The following IMPG1 variants were observed in gnomAD, a reference collection of about 807,000 sequenced individuals.
IMPG1 encodes the protein interphotoreceptor matrix proteoglycan 1.
Under a neutral mutation model 92.0 loss-of-function variants are expected in IMPG1, and 85 were observed. The observed-to-expected ratio is 0.92, with a 90% confidence interval of 0.78 to 1.11. The LOEUF (loss-of-function observed/expected upper bound fraction) is 1.11, where lower values mean the gene tolerates loss of function less well. Among genes scored for constraint, IMPG1 ranks in the 50% least tolerant of loss-of-function variants. The pLI is 0.00. For synonymous variants in IMPG1, 367 were observed against 334.1 expected (o/e 1.10, Z -1.08); for missense variants, 1,022 against 956.0 (o/e 1.07, Z -0.91).
intron 1 of IMPG1, among the ~76,000 whole-genome samples, chr6:76,045,868 T>A (rs530540000): frequency 3.3e-5 from 5 of 152,162 alleles, no homozygotes; most frequent in Non-Finnish European, 7.3e-5. Flanking sequence ...TATATAAGTA[T>A]TTGAAAAGAG....
intron 2 of IMPG1, among the ~76,000 whole-genome samples, chr6:76,035,329 G>A (rs563041188): frequency 1.9e-4 from 29 of 151,898 alleles, no homozygotes; most frequent in African/African-American, 5.8e-4. Flanking sequence ...GAGAAAGCTC[G>A]TCTCTACTAA....
At chr6:75,984,774 C>T (rs1318170319) in intron 12 of IMPG1, among the ~76,000 whole-genome samples, 2 of 152,162 alleles carry the variant, frequency 1.3e-5, no homozygotes, top group Non-Finnish European at 1.5e-5. Context: ...GTGCCATCCC[C>T]TTGGCTAGGA....
chr6:76,047,747 G>T (rs577916558), intron 1 of IMPG1, among the ~76,000 whole-genome samples: 232 of 152,196 alleles, frequency 1.5e-3, no homozygotes, highest in Non-Finnish European at 2.8e-3. Flanking sequence ...ATATGAATTA[G>T]ATTTGTTTTA....
At chr6:76,042,752 C>T (rs374112870) in intron 1 of IMPG1, among the ~76,000 whole-genome samples, 1 of 152,042 alleles carries the variant, frequency 6.6e-6, no homozygotes, top group Admixed American at 6.6e-5. Context: ...TCACCCTTCC[C>T]AACAAGGGGG....
At chr6:75,967,782 T>G (rs1286937710) in intron 12 of IMPG1, among the ~76,000 whole-genome samples, 1 of 152,192 alleles carries the variant, frequency 6.6e-6, no homozygotes, top group Non-Finnish European at 1.5e-5. Context: ...GCTGATCACA[T>G]AGCTGAAGAC....
At chr6:76,018,304 G>C (rs1193201334) in intron 7 of IMPG1, among the ~76,000 whole-genome samples, 2 of 152,218 alleles carry the variant, frequency 1.3e-5, no homozygotes, top group Non-Finnish European at 2.9e-5. Context: ...TTATGTGAAT[G>C]TGGTCTCTCT....
Position 76,034,753 on chromosome 6 carries a change from GA to G in IMPG1, c.335del (p.Ile112ThrfsTer47), listed in dbSNP as rs1783708272. On this transcript the variant is annotated frameshift_variant, in exon 3 of 17. Transcript: ENST00000369950. LOFTEE classifies it high-confidence loss of function. ...CQEAVWEAYR[I>X]FLDRIPDTGE... ...CTGTGTCAGGGATGCGATCCAGAAAGATCCGATATGCTTCCCATACTGCTTC... is the reference window on the plus strand; with the variant it reads ...CTGTGTCAGGGATGCGATCCAGAAAGTCCGATATGCTTCCCATACTGCTTC... 3 of 1,613,978 alleles carry G rather than the reference GA, an allele frequency of 1.9e-6. No homozygotes were observed. Among genetic ancestry groups the G allele is most frequent in the Non-Finnish European group, 2.5e-6 (3 of 1,180,008 alleles).
At chr6:76,063,533 G>A (rs1038573363) in intron 1 of IMPG1, among the ~76,000 whole-genome samples, 1 of 152,192 alleles carries the variant, frequency 6.6e-6, no homozygotes, top group African/African-American at 2.4e-5. Flanking sequence ...AAACACTGGT[G>A]TGGCAGTGAT....
intron 4 of IMPG1, among the ~76,000 whole-genome samples, chr6:76,026,347 C>T (rs185352109): frequency 3.9e-5 from 6 of 152,324 alleles, no homozygotes; most frequent in Non-Finnish European, 5.9e-5. Context: ...GAAATGGGGA[C>T]TCAAATCCTC....
At chr6:75,965,197 C>T (rs1173786161) in intron 12 of IMPG1, among the ~76,000 whole-genome samples, 1 of 152,110 alleles carries the variant, frequency 6.6e-6, no homozygotes, top group Admixed American at 6.5e-5. Context: ...TGTTTTCTTT[C>T]TCTATAATAA....
intron 12 of IMPG1, among the ~76,000 whole-genome samples, chr6:75,969,647 T>C (rs892447247): frequency 3.3e-5 from 5 of 152,042 alleles, no homozygotes; most frequent in African/African-American, 9.6e-5. Flanking sequence ...GCAGGAGAAT[T>C]GCTGGAACCC....
rs142195423 is a variant in IMPG1, at chr6:75,950,140, C to A, written c.1824+422G>T. Among the ~76,000 whole-genome samples the A allele has an allele frequency of 4.1e-3, 627 of 152,224 alleles. 4 individuals are homozygous for A. The highest frequency in any genetic ancestry group is 7.5e-3 in the Non-Finnish European group (508 of 68,020). ...ACTTAAGGGGAACTAAGAAAGGAACCCTTACTCCTGAACTCTCAGCCTCAT... is the reference window on the plus strand; with the variant it reads ...ACTTAAGGGGAACTAAGAAAGGAACACTTACTCCTGAACTCTCAGCCTCAT... On this transcript the variant is annotated intron_variant, in intron 13 of 16. Coordinates refer to ENST00000369950, the MANE Select transcript of IMPG1 (RefSeq NM_001563.4).
chr6:75,988,929 C>A (rs1782768611), intron 12 of IMPG1, among the ~76,000 whole-genome samples: 1 of 152,162 alleles, frequency 6.6e-6, no homozygotes, highest in Non-Finnish European at 1.5e-5. Flanking sequence ...CCTTGTTCAA[C>A]CCTCTTCTGT....
At chr6:75,977,238 ATCTTT>A (rs1782553319) in intron 12 of IMPG1, among the ~76,000 whole-genome samples, 1 of 152,202 alleles carries the variant, frequency 6.6e-6, no homozygotes, top group Admixed American at 6.5e-5. Context: ...GCTTTAATTA[ATCTTT>A]TCTTACAGTC....
chr6:76,027,630 T>C (rs1783572174), intron 4 of IMPG1, among the ~76,000 whole-genome samples: 1 of 152,238 alleles, frequency 6.6e-6, no homozygotes, highest in South Asian at 2.1e-4. Flanking sequence ...GAAATTACTC[T>C]TGCAGAAGAG....
intron 12 of IMPG1, among the ~76,000 whole-genome samples, chr6:75,960,550 G>A (rs888992259): frequency 6.6e-6 from 1 of 152,008 alleles, no homozygotes; most frequent in Admixed American, 6.6e-5. Flanking sequence ...GCTGAGTCCA[G>A]CAACCCTATT....
chr6:76,027,750 G>T (rs1008041302), intron 4 of IMPG1, among the ~76,000 whole-genome samples: 16 of 152,252 alleles, frequency 1.1e-4, no homozygotes, highest in African/African-American at 3.4e-4. Flanking sequence ...GCACTAATCT[G>T]CTCTTTGGCA....
At chr6:75,939,355 C>T (rs13207399) in intron 14 of IMPG1, among the ~76,000 whole-genome samples, 88 of 152,052 alleles carry the variant, frequency 5.8e-4, no homozygotes, top group African/African-American at 2.1e-3. Context: ...CCTGCTCCCC[C>T]CCACCCCACA....
chr6:75,981,766 GA>G (rs780096157), intron 12 of IMPG1, among the ~76,000 whole-genome samples: 1 of 152,220 alleles, frequency 6.6e-6, no homozygotes, highest in Non-Finnish European at 1.5e-5. Flanking sequence ...CAGCTAGAGG[GA>G]ATTGTTGAGT....
Sources: gnomAD v4.1 joint callset for allele counts (sites outside exome capture counted in the v4.1 genomes callset) on GRCh38, gnomAD v4.1.1 for gene constraint, MANE v1.5 for transcripts, NCBI Gene and HGNC (gene_info 2026-07-23, HGNC 2026-07-21) for gene names.